RIT2: variants seen among roughly 807,000 people sequenced by gnomAD.
The protein encoded by RIT2 is GTP-binding protein Rit2.
RIT2 carries 24 observed loss-of-function variants against 23.7 expected under a neutral mutation model. The ratio of observed to expected loss-of-function variants is 1.01; its 90% CI spans 0.73 to 1.43. RIT2 has a LOEUF of 1.43. Ranked by LOEUF, RIT2 falls within the 40% of genes most tolerant of loss-of-function variation. The pLI is 0.00. For synonymous variants in RIT2, 107 were observed against 91.1 expected (o/e 1.17, Z -0.99); for missense variants, 236 against 266.9 (o/e 0.88, Z 0.81).
intron 4 of RIT2, among the ~76,000 whole-genome samples, chr18:42,796,913 A>C (rs1029728664): frequency 6.6e-6 from 1 of 152,350 alleles, no homozygotes. Context: ...GGATATCAGA[A>C]TAGTGAAGTA....
At chr18:42,923,328 G>C in intron 4 of RIT2, 1 of 466,578 alleles carries the variant, frequency 2.1e-6, no homozygotes, top group South Asian at 3.2e-5. Context: ...ACTGTATTCA[G>C]TATACAATCC....
intron 2 of RIT2, among the ~76,000 whole-genome samples, chr18:42,980,307 A>G (rs1370459141): frequency 6.6e-6 from 1 of 152,100 alleles, no homozygotes; most frequent in African/African-American, 2.4e-5. Context: ...AATATTGAGA[A>G]TTCAGTACAG....
intron 1 of RIT2, among the ~76,000 whole-genome samples, chr18:43,094,846 T>A (rs1038214862): frequency 6.6e-6 from 1 of 151,972 alleles, no homozygotes; most frequent in Admixed American, 6.6e-5. Flanking sequence ...TTGCTGAGAA[T>A]GATGGTTTCC....
intron 2 of RIT2, among the ~76,000 whole-genome samples, chr18:42,977,942 A>C (rs2144209247): frequency 6.6e-6 from 1 of 151,560 alleles, no homozygotes; most frequent in East Asian, 1.9e-4. Flanking sequence ...TTCCTCTCCC[A>C]AAAGAGAAAT....
intron 2 of RIT2, among the ~76,000 whole-genome samples, chr18:43,026,067 A>G (rs995657440): frequency 2.6e-5 from 4 of 152,102 alleles, no homozygotes; most frequent in African/African-American, 7.2e-5. Flanking sequence ...TAAAATAATA[A>G]TGTAGGCTGG....
intron 2 of RIT2, among the ~76,000 whole-genome samples, chr18:43,002,405 C>G (rs1911126678): frequency 6.6e-6 from 1 of 151,946 alleles, no homozygotes; most frequent in South Asian, 2.1e-4. Flanking sequence ...AACACCCTCA[C>G]AGACACACCC....
intron 1 of RIT2, among the ~76,000 whole-genome samples, chr18:43,103,980 A>AC (rs1913749288): frequency 6.6e-6 from 1 of 152,134 alleles, no homozygotes; most frequent in Non-Finnish European, 1.5e-5. Flanking sequence ...GGATACCTAC[A>AC]CCCCCAAGTT....
chr18:43,055,393 T>A (rs774829786), intron 1 of RIT2, among the ~76,000 whole-genome samples: 6 of 152,082 alleles, frequency 3.9e-5, no homozygotes, highest in Non-Finnish European at 7.4e-5. Flanking sequence ...ATTATGGTTG[T>A]GGGTGCGTGA....
chr18:42,785,964 T>C (rs1415836808), intron 4 of RIT2, among the ~76,000 whole-genome samples: 1 of 152,172 alleles, frequency 6.6e-6, no homozygotes, highest in Non-Finnish European at 1.5e-5. Context: ...CTATACTATA[T>C]TATGCTATGC....
chr18:42,845,751 G>A (rs1311211833), intron 4 of RIT2, among the ~76,000 whole-genome samples: 1 of 150,784 alleles, frequency 6.6e-6, no homozygotes, highest in African/African-American at 2.4e-5. Context: ...AAATACAAAA[G>A]GTAATTAGGA....
chr18:43,095,033 T>C (rs866662413), intron 1 of RIT2, among the ~76,000 whole-genome samples: 22 of 152,246 alleles, frequency 1.4e-4, no homozygotes, highest in Middle Eastern at 6.8e-3. Context: ...CGTGTGCATG[T>C]GTCTTTATAG....
At chr18:42,901,256 T>C (rs1248618406) in intron 4 of RIT2, among the ~76,000 whole-genome samples, 2 of 152,066 alleles carry the variant, frequency 1.3e-5, no homozygotes, top group Non-Finnish European at 2.9e-5. Context: ...GTTCTGCCAA[T>C]GTACAATTGT....
chr18:42,900,600 C>T (rs1908449850), intron 4 of RIT2, among the ~76,000 whole-genome samples: 1 of 151,934 alleles, frequency 6.6e-6, no homozygotes, highest in Non-Finnish European at 1.5e-5. Flanking sequence ...CCATCACATC[C>T]CTGACTCTGT....
chr18:43,087,977 T>C (rs909657027), intron 1 of RIT2, among the ~76,000 whole-genome samples: 8 of 152,330 alleles, frequency 5.3e-5, no homozygotes, highest in African/African-American at 1.7e-4. Flanking sequence ...TTTTACTTCA[T>C]TAATATTAGC....
At position 42,933,190 on chromosome 18, in the gene RIT2, G is replaced by T. The variant is rs186485482; in HGVS notation, c.235-9427C>A. ...ACTCTATGATAATGTATGTATTCTG[G>T]AACACAGGCATAATAAGCAAGCTTC... On this transcript the variant is annotated intron_variant, in intron 3 of 4. Transcript: ENST00000326695. 2.4e-4 allele frequency among the ~76,000 whole-genome samples: 37 copies of T among 151,962 alleles called. 1 individual carries two copies. The East Asian group carries it at 7.2e-3, about 29-fold the overall frequency.
At chr18:43,034,779 C>T (rs987764374) in intron 1 of RIT2, among the ~76,000 whole-genome samples, 1 of 152,100 alleles carries the variant, frequency 6.6e-6, no homozygotes, top group African/African-American at 2.4e-5. Context: ...AGAGACTCCT[C>T]CCCTGATATC....
chr18:43,096,761 T>A (rs948778408), intron 1 of RIT2, among the ~76,000 whole-genome samples: 42 of 151,930 alleles, frequency 2.8e-4, no homozygotes, highest in Non-Finnish European at 4.4e-4. Context: ...GTTATTTTTT[T>A]AATATGTATC....
chr18:43,090,595 A>G (rs1913399545), intron 1 of RIT2, among the ~76,000 whole-genome samples: 1 of 152,126 alleles, frequency 6.6e-6, no homozygotes, highest in Admixed American at 6.6e-5. Context: ...CACTATTCAC[A>G]ATATCAAAAA....
chr18:42,948,044 T>C (rs1032403436), intron 3 of RIT2, among the ~76,000 whole-genome samples: 3 of 152,106 alleles, frequency 2.0e-5, no homozygotes, highest in African/African-American at 7.2e-5. Context: ...ACTTTTGGAA[T>C]GCAGTTTTCA....
Sources: allele counts gnomAD v4.1 joint callset (sites outside exome capture counted in the v4.1 genomes callset), GRCh38; gene constraint gnomAD v4.1.1; transcripts MANE v1.5; gene names NCBI Gene and HGNC (gene_info 2026-07-23, HGNC 2026-07-21).